Variants in GRM1 observed in about 807,000 individuals in gnomAD.
GRM1 encodes the protein glutamate metabotropic receptor 1.
GRM1 carries 33 observed loss-of-function variants against 90.9 expected under a neutral mutation model. That is an observed-to-expected ratio of 0.36 (90% CI 0.28 to 0.49). The LOEUF is 0.49. Among genes scored for constraint, GRM1 ranks in the 20% least tolerant of loss-of-function variants. The pLI, the probability that GRM1 is intolerant of heterozygous loss-of-function variation, is 0.99. For missense variants in GRM1, 1,190 were observed against 1,534.3 expected (o/e 0.78, Z 3.75); for synonymous variants, 700 against 613.2 (o/e 1.14, Z -2.09).
intron 1 of GRM1, among the ~76,000 whole-genome samples, chr6:146,076,374 A>G (rs977322196): frequency 2.0e-5 from 3 of 152,212 alleles, no homozygotes; most frequent in Non-Finnish European, 4.4e-5. Flanking sequence ...GTAAAGGAAG[A>G]TGCAGCGAAT....
intron 2 of GRM1, among the ~76,000 whole-genome samples, chr6:146,257,701 G>A (rs1364300246): frequency 2.0e-5 from 3 of 152,186 alleles, no homozygotes; most frequent in African/African-American, 4.8e-5. Flanking sequence ...GAGAAGACTC[G>A]TGAACCAGCT....
intron 2 of GRM1, among the ~76,000 whole-genome samples, chr6:146,271,829 C>T (rs1178592840): frequency 1.3e-5 from 2 of 152,214 alleles, no homozygotes; most frequent in Non-Finnish European, 2.9e-5. Context: ...AGCCAAATCA[C>T]TCACCCATTA....
intron 7 of GRM1, among the ~76,000 whole-genome samples, chr6:146,403,315 G>A (rs959196308): frequency 1.1e-4 from 17 of 152,026 alleles, no homozygotes; most frequent in African/African-American, 4.1e-4. Flanking sequence ...AAATCACTGA[G>A]TGCCAAACAA....
chr6:146,391,102 TTTTA>T (rs1776700919), intron 6 of GRM1, among the ~76,000 whole-genome samples: 1 of 151,986 alleles, frequency 6.6e-6, no homozygotes, highest in Non-Finnish European at 1.5e-5. Context: ...TTGCATAGAG[TTTTA>T]TTTCTTAATT....
At chr6:146,414,688 C>T (rs1017038830) in intron 7 of GRM1, among the ~76,000 whole-genome samples, 2 of 152,206 alleles carry the variant, frequency 1.3e-5, no homozygotes, top group East Asian at 3.9e-4. Context: ...AGGTGTGAGC[C>T]ACCACACCTG....
At chr6:146,232,478 C>T (rs1269238170) in intron 2 of GRM1, among the ~76,000 whole-genome samples, 2 of 152,066 alleles carry the variant, frequency 1.3e-5, no homozygotes, top group South Asian at 2.1e-4. Context: ...ATAATCACCT[C>T]ATGGAGAATG....
chr6:146,376,167 T>A (rs1026290587), intron 5 of GRM1, among the ~76,000 whole-genome samples: 6 of 152,134 alleles, frequency 3.9e-5, no homozygotes, highest in Non-Finnish European at 8.8e-5. Flanking sequence ...ATAAAAACGA[T>A]ATGCCTTAAC....
chr6:146,388,006 C>T (rs1776572125), intron 6 of GRM1, among the ~76,000 whole-genome samples: 1 of 151,974 alleles, frequency 6.6e-6, no homozygotes, highest in Admixed American at 6.6e-5. Context: ...CTAGTAAAAC[C>T]AATGGAACTC....
intron 6 of GRM1, among the ~76,000 whole-genome samples, chr6:146,398,101 G>A (rs1355168670): frequency 1.3e-5 from 2 of 152,172 alleles, no homozygotes; most frequent in Admixed American, 6.5e-5. Flanking sequence ...TTCAAGAGAT[G>A]GGTTAGGGGA....
At chr6:146,215,948 G>A (rs1186641210) in intron 2 of GRM1, among the ~76,000 whole-genome samples, 2 of 151,976 alleles carry the variant, frequency 1.3e-5, no homozygotes, top group Admixed American at 1.3e-4. Context: ...TAGTAGGGAC[G>A]GGGTTTCACC....
intron 1 of GRM1, among the ~76,000 whole-genome samples, chr6:146,052,508 T>G (rs9497449): frequency 0.066 from 10,014 of 151,850 alleles, 989 homozygotes; most frequent in African/African-American, 0.21. Flanking sequence ...GTAAAGAGTG[T>G]GTCTAGCATT....
intron 7 of GRM1, among the ~76,000 whole-genome samples, chr6:146,424,247 G>A (rs1778114572): frequency 6.6e-6 from 1 of 152,218 alleles, no homozygotes; most frequent in African/African-American, 2.4e-5. Context: ...GGCACTTCCG[G>A]TCCAGGGAGG....
intron 2 of GRM1, among the ~76,000 whole-genome samples, chr6:146,229,047 A>T (rs1780355947): frequency 6.6e-6 from 1 of 152,238 alleles, no homozygotes; most frequent in Admixed American, 6.5e-5. Context: ...TTTTAAGCTT[A>T]TCCATGTTAG....
intron 2 of GRM1, among the ~76,000 whole-genome samples, chr6:146,192,510 A>G (rs1778965530): frequency 6.6e-6 from 1 of 152,220 alleles, no homozygotes; most frequent in Non-Finnish European, 1.5e-5. Context: ...TTCCTGGCAT[A>G]TAAAATACCC....
At chr6:146,178,830 T>C (rs559355772) in intron 2 of GRM1, among the ~76,000 whole-genome samples, 1 of 152,226 alleles carries the variant, frequency 6.6e-6, no homozygotes, top group Non-Finnish European at 1.5e-5. Context: ...CTAGACCAAC[T>C]TGTGTACTGT....
chr6:146,173,072 G>A (rs1034880468), intron 2 of GRM1, among the ~76,000 whole-genome samples: 28 of 152,084 alleles, frequency 1.8e-4, no homozygotes, highest in African/African-American at 6.8e-4. Flanking sequence ...GTGTGCTGCA[G>A]TATGCAAGTT....
intron 1 of GRM1, among the ~76,000 whole-genome samples, chr6:146,123,613 C>T (rs910810852): frequency 6.6e-6 from 1 of 152,218 alleles, no homozygotes; most frequent in African/African-American, 2.4e-5. Flanking sequence ...AGCTCACCAT[C>T]CAATACCCAA....
chr6:146,238,162 T>C (rs1277626924), intron 2 of GRM1, among the ~76,000 whole-genome samples: 2 of 152,226 alleles, frequency 1.3e-5, no homozygotes, highest in South Asian at 2.1e-4. Context: ...GTAGGAAATA[T>C]TGTTCACATT....
At chr6:146,396,862 G>C (rs934012323) in intron 6 of GRM1, among the ~76,000 whole-genome samples, 4 of 152,114 alleles carry the variant, frequency 2.6e-5, no homozygotes, top group Non-Finnish European at 5.9e-5. Context: ...AATATATAAA[G>C]ATACAGGTGA....
Sources: allele counts gnomAD v4.1 joint callset (sites outside exome capture counted in the v4.1 genomes callset), GRCh38; gene constraint gnomAD v4.1.1; transcripts MANE v1.5; gene names NCBI Gene and HGNC (gene_info 2026-07-23, HGNC 2026-07-21).